EFCAB11: variants seen among roughly 807,000 people sequenced by gnomAD.
EFCAB11 encodes the protein EF-hand calcium-binding domain-containing protein 11.
A neutral mutation model predicts 23.0 loss-of-function variants in EFCAB11; 14 were observed. The observed-to-expected ratio is 0.61, with a 90% confidence interval of 0.40 to 0.95. EFCAB11 has a LOEUF of 0.95. Ranked by LOEUF, EFCAB11 falls within the 40% of genes least tolerant of loss-of-function variation. EFCAB11 has a pLI of 0.00. For missense variants in EFCAB11, 198 were observed against 195.8 expected, an observed-to-expected ratio of 1.01 and a Z score of -0.07; for synonymous variants, 65 against 66.6, an observed-to-expected ratio of 0.98 and a Z score of 0.11.
chr14:89,876,368 C>T (rs551407656), intron 5 of EFCAB11, among the ~76,000 whole-genome samples: 1 of 152,188 alleles, frequency 6.6e-6, no homozygotes, highest in African/African-American at 2.4e-5. Context: ...ATGCTATCTC[C>T]AAGACAGGGT....
intron 3 of EFCAB11, 138 bp from the exon 4 acceptor site, chr14:89,932,765 A>G (rs1890439818): frequency 2.8e-6 from 2 of 708,470 alleles, no homozygotes; most frequent in South Asian, 3.9e-5. Flanking sequence ...TTTACTCAAG[A>G]TCTGTGAAGT....
intron 5 of EFCAB11, among the ~76,000 whole-genome samples, chr14:89,872,139 T>C (rs1040267888): frequency 5.9e-5 from 9 of 152,370 alleles, no homozygotes; most frequent in East Asian, 3.9e-4. Flanking sequence ...TACATTACCA[T>C]ATTCTTTTCC....
chr14:89,847,759 AG>A (rs71107566), intron 5 of EFCAB11, among the ~76,000 whole-genome samples: 6,543 of 132,568 alleles, frequency 0.049, 222 homozygotes, highest in Non-Finnish European at 0.083. Flanking sequence ...AAAAAAAAAA[AG>A]AAAGAAAGAA....
intron 5 of EFCAB11, among the ~76,000 whole-genome samples, chr14:89,819,958 T>C (rs1018998619): frequency 3.9e-5 from 6 of 152,170 alleles, no homozygotes; most frequent in African/African-American, 1.4e-4. Flanking sequence ...GAAATCCCAA[T>C]CCAACAATAG....
intron 5 of EFCAB11, among the ~76,000 whole-genome samples, chr14:89,866,755 G>C (rs1039033108): frequency 6.6e-6 from 1 of 152,256 alleles, no homozygotes; most frequent in East Asian, 1.9e-4. Context: ...TATGACAGCA[G>C]GTAGAGAAAT....
chr14:89,919,292 T>A (rs192586533), intron 5 of EFCAB11, among the ~76,000 whole-genome samples: 1 of 151,962 alleles, frequency 6.6e-6, no homozygotes, highest in Non-Finnish European at 1.5e-5. Flanking sequence ...AGGCAAGTGG[T>A]AAGTAAGCTT....
chr14:89,837,685 G>C (rs970685855), intron 5 of EFCAB11, among the ~76,000 whole-genome samples: 2 of 152,082 alleles, frequency 1.3e-5, no homozygotes, highest in Non-Finnish European at 2.9e-5. Flanking sequence ...AATAAAAAAC[G>C]ATAATAAACC....
At chr14:89,899,865 G>GGTAA (rs1476054648) in intron 5 of EFCAB11, among the ~76,000 whole-genome samples, 1 of 152,152 alleles carries the variant, frequency 6.6e-6, no homozygotes, top group Non-Finnish European at 1.5e-5. Context: ...GTGCACTGAG[G>GGTAA]GTAATACTGT....
chr14:89,934,870 T>C (rs1890524535), intron 3 of EFCAB11, among the ~76,000 whole-genome samples: 2 of 152,154 alleles, frequency 1.3e-5, no homozygotes, highest in Non-Finnish European at 2.9e-5. Context: ...GAATAATGTA[T>C]TCACTGATAA....
At chr14:89,840,504 C>T (rs975796150) in intron 5 of EFCAB11, among the ~76,000 whole-genome samples, 1 of 152,134 alleles carries the variant, frequency 6.6e-6, no homozygotes, top group East Asian at 1.9e-4. Context: ...TCAGTAATGA[C>T]CATTGAGGAA....
intron 5 of EFCAB11, among the ~76,000 whole-genome samples, chr14:89,910,595 T>G (rs998145690): frequency 1.4e-5 from 2 of 138,614 alleles, no homozygotes; most frequent in African/African-American, 5.4e-5. Flanking sequence ...AGAATCTGTC[T>G]CAAATACATA....
intron 5 of EFCAB11, chr14:89,836,997 G>A (rs1251863270): frequency 2.2e-6 from 1 of 455,222 alleles, no homozygotes. Flanking sequence ...ACTCCAGCCT[G>A]GGCGACAGAG....
chr14:89,917,664 A>G (rs1889893331), intron 5 of EFCAB11, among the ~76,000 whole-genome samples: 1 of 152,142 alleles, frequency 6.6e-6, no homozygotes, highest in African/African-American at 2.4e-5. Context: ...TTATGAAAAC[A>G]CTTGACCATT....
chr14:89,948,879 T>C (rs1015017594), intron 3 of EFCAB11, among the ~76,000 whole-genome samples: 4 of 134,340 alleles, frequency 3.0e-5, no homozygotes, highest in African/African-American at 1.2e-4. Context: ...GGTTAATGGA[T>C]ACAAAAAAAA....
rs768437142 is a variant in EFCAB11, at chr14:89,932,519, CACTT to C, written c.319+3_319+6del. 23 of 1,611,350 alleles carry C rather than the reference CACTT, an allele frequency of 1.4e-5. No individual in the cohort carries two copies. The highest frequency in any genetic ancestry group is 1.6e-4 in the Middle Eastern group (1 of 6,070). On this transcript the variant is annotated splice_donor_5th_base_variant and intron_variant, in intron 4 of 5. Transcript: ENST00000316738. ...TTTTTACATCAAAACACTTTAGAGA[CACTT>C]ACAGTAGGTGTCAAAGGCTGTGAAG...
intron 5 of EFCAB11, among the ~76,000 whole-genome samples, chr14:89,846,001 C>T (rs1345276794): frequency 6.6e-6 from 1 of 152,170 alleles, no homozygotes; most frequent in Non-Finnish European, 1.5e-5. Context: ...ATATTGGCTC[C>T]ATCATTTACA....
chr14:89,889,734 G>A (rs926354905), intron 5 of EFCAB11, among the ~76,000 whole-genome samples: 1 of 152,244 alleles, frequency 6.6e-6, no homozygotes, highest in Non-Finnish European at 1.5e-5. Flanking sequence ...AGTGTGATCA[G>A]CCCACAATTA....
chr14:89,837,102 G>A (rs1028389537), intron 5 of EFCAB11: 13 of 456,364 alleles, frequency 2.8e-5, no homozygotes, highest in African/African-American at 1.8e-4. Flanking sequence ...TTAGACTTCT[G>A]GTCAATATGG....
chr14:89,938,764 A>C (rs1890679732), intron 3 of EFCAB11, among the ~76,000 whole-genome samples: 1 of 151,868 alleles, frequency 6.6e-6, no homozygotes, highest in Admixed American at 6.6e-5. Context: ...TCTACTAAAA[A>C]CACAAAAACT....
Sources: gnomAD v4.1 joint callset for allele counts (sites outside exome capture counted in the v4.1 genomes callset) on GRCh38, gnomAD v4.1.1 for gene constraint, MANE v1.5 for transcripts, NCBI Gene and HGNC (gene_info 2026-07-23, HGNC 2026-07-21) for gene names.